HGF: variants seen among roughly 807,000 people sequenced by gnomAD.
HGF encodes hepatocyte growth factor, also known as fibroblast-derived tumor cytotoxic factor.
In HGF, 39 loss-of-function variants were observed where a neutral mutation model predicts 111.6. That is an observed-to-expected ratio of 0.35 (90% CI 0.27 to 0.46). The LOEUF (loss-of-function observed/expected upper bound fraction) is 0.46, where lower values mean the gene tolerates loss of function less well. Ranked by LOEUF, HGF falls within the 20% of genes least tolerant of loss-of-function variation. The probability of loss-of-function intolerance (pLI) is 1.00; values close to 1 mark genes in which losing one functional copy is unlikely to be tolerated. For synonymous variants in HGF, 285 were observed against 294.8 expected (o/e 0.97, Z 0.34); for missense variants, 735 against 910.5 (o/e 0.81, Z 2.48).
At chr7:81,755,825 A>G (rs1187858152) in intron 4 of HGF, 2 of 546,850 alleles carry the variant, frequency 3.7e-6, no homozygotes, top group Non-Finnish European at 6.5e-6. Context: ...ACTAATTTTG[A>G]AAATTGTTGT....
At chr7:81,765,689 A>G (rs1789324159) in intron 1 of HGF, among the ~76,000 whole-genome samples, 2 of 152,208 alleles carry the variant, frequency 1.3e-5, no homozygotes, top group South Asian at 4.1e-4. Flanking sequence ...AATTCCTTAT[A>G]CAATAAAAGA....
At chr7:81,719,487 G>A (rs905085780) in intron 10 of HGF, among the ~76,000 whole-genome samples, 4 of 152,176 alleles carry the variant, frequency 2.6e-5, no homozygotes, top group East Asian at 1.9e-4. Flanking sequence ...ATTGACAGGC[G>A]CTGTAAGTGT....
chr7:81,750,902 A>G, intron 5 of HGF: 1 of 846,854 alleles, frequency 1.2e-6, no homozygotes, highest in South Asian at 5.4e-5. Flanking sequence ...TCAAAACGTG[A>G]TCATAGAAAA....
At chr7:81,721,041 C>A (rs191189440) in intron 9 of HGF, among the ~76,000 whole-genome samples, 194 bp from the exon 10 acceptor site, 3 of 152,176 alleles carry the variant, frequency 2.0e-5, no homozygotes. Context: ...GTCAGGAGAT[C>A]GAGACCATCC....
intron 17 of HGF, among the ~76,000 whole-genome samples, chr7:81,703,990 G>A: frequency 6.6e-6 from 1 of 151,722 alleles, no homozygotes; most frequent in Admixed American, 6.6e-5. Context: ...TCACTCTGGA[G>A]ACTTTCACTA....
intron 5 of HGF, among the ~76,000 whole-genome samples, chr7:81,748,944 G>A (rs1214920156): frequency 6.6e-6 from 1 of 152,122 alleles, no homozygotes; most frequent in Non-Finnish European, 1.5e-5. Context: ...CAGACTAAAA[G>A]AGTTATTTTG....
chr7:81,722,080 A>G (rs571405572), intron 9 of HGF, among the ~76,000 whole-genome samples: 1 of 152,328 alleles, frequency 6.6e-6, no homozygotes, highest in South Asian at 2.1e-4. Flanking sequence ...CTGTAGAAAT[A>G]GTAAATTAAA....
At position 81,702,657 on chromosome 7, in the gene HGF, C is replaced by A. The variant is rs2115742182; in HGVS notation, c.2111G>T (p.Gly704Val). The A allele has an allele frequency of 1.2e-6, 2 of 1,611,386 alleles. No individual in the cohort carries two copies. Among genetic ancestry groups the A allele is most frequent in the African/African-American group, 2.7e-5 (2 of 74,794 alleles). ...GRGCAIPNRP[G>V]IFVRVAYYAK... is the part of the protein sequence containing the mutation. ...ATAATATGCTACTCGGACAAAAATA[C>A]CAGGACGATTTGGAATGGCACATCC... Residue 704 changes from glycine (G) to valine (V), a missense_variant, in exon 18 of 18, where the codon GGT becomes GTT. Around this residue, in one of 3 missense-constraint regions of HGF, gnomAD observed 52 missense variants for 95.0 expected, o/e 0.55. Transcript: ENST00000222390.
At position 81,752,227 on chromosome 7, in the gene HGF, T is replaced by C. The variant is rs1788539276; in HGVS notation, c.518A>G (p.Gln173Arg). ...TCGAGGATTTCGACAGTAGTTTTCC[T>C]GTAGGTCTTTACCCCGATAGCTCGA... is the stretch of plus-strand genomic sequence containing the variant. ...LPSSYRGKDL[Q>R]ENYCRNPRGE... The change falls in exon 5 of 18, where the codon CAG (glutamine) becomes CGG (arginine). Residue 173 changes from glutamine to arginine, a missense_variant. Gln to Arg is a conservative substitution (Grantham distance 43). Coordinates refer to ENST00000222390, the MANE Select transcript of HGF (RefSeq NM_000601.6). The C allele has an allele frequency of 6.2e-7, 1 of 1,613,592 alleles. No homozygotes were observed. The highest frequency in any genetic ancestry group is 2.2e-5 in the East Asian group (1 of 44,854).
Position 81,717,231 on chromosome 7 carries a change from C to G in HGF, c.1405+1G>C. On this transcript the variant is annotated splice_donor_variant, in intron 11 of 17. Coordinates refer to ENST00000222390, the MANE Select transcript of HGF (RefSeq NM_000601.6). LOFTEE classifies it high-confidence loss of function. ...AGACACCAATCCCTAACTGTACTTACAACGAGAAATAGGGCAATAATCCCA... is the reference window on the plus strand; with the variant it reads ...AGACACCAATCCCTAACTGTACTTAGAACGAGAAATAGGGCAATAATCCCA... 6.2e-7 allele frequency: 1 copy of G among 1,613,296 alleles called. No individual in the cohort carries two copies. The highest frequency in any genetic ancestry group is 8.5e-7 in the Non-Finnish European group (1 of 1,179,352).
chr7:81,755,310 T>C (rs1378597771), intron 4 of HGF: 1 of 152,150 alleles, frequency 6.6e-6, no homozygotes, highest in South Asian at 2.1e-4. Flanking sequence ...GTAAAATTAA[T>C]CTTTAGTCAA....
intron 7 of HGF, among the ~76,000 whole-genome samples, chr7:81,739,328 T>C (rs1404825111): frequency 6.6e-6 from 1 of 152,158 alleles, no homozygotes; most frequent in Non-Finnish European, 1.5e-5. Context: ...TAGTCTTTTA[T>C]TCTTCACCTC....
intron 1 of HGF, among the ~76,000 whole-genome samples, chr7:81,767,154 C>T (rs2116272212): frequency 6.6e-6 from 1 of 152,228 alleles, no homozygotes. Flanking sequence ...GTTTGATTCT[C>T]TATGCTGAAA....
intron 1 of HGF, among the ~76,000 whole-genome samples, chr7:81,764,995 C>T (rs888368343): frequency 6.6e-6 from 1 of 151,458 alleles, no homozygotes; most frequent in Admixed American, 6.6e-5. Context: ...AACTATTCAC[C>T]AAAATAGAAG....
chr7:81,760,511 A>C (rs1789012147), intron 2 of HGF, among the ~76,000 whole-genome samples: 1 of 152,168 alleles, frequency 6.6e-6, no homozygotes, highest in African/African-American at 2.4e-5. Flanking sequence ...TAAGTGGTTT[A>C]CGGTATTTTT....
chr7:81,722,571 G>C (rs1349873625), intron 9 of HGF, among the ~76,000 whole-genome samples: 1 of 151,546 alleles, frequency 6.6e-6, no homozygotes, highest in African/African-American at 2.4e-5. Context: ...TCAGCACTTT[G>C]GGAGGATGAG....
chr7:81,769,851 A>T (rs1328981762), intron 1 of HGF, 33 bp downstream of exon 1: 8 of 1,457,306 alleles, frequency 5.5e-6, no homozygotes, highest in African/African-American at 1.4e-5. Context: ...TTAAATACTA[A>T]TACTAATAAT....
In HGF at chr7:81,727,166, G is replaced by A. The variant is rs929604730; in HGVS notation, c.1041-1149C>T. On this transcript the variant is annotated intron_variant, in intron 8 of 17. Coordinates refer to ENST00000222390, the MANE Select transcript of HGF (RefSeq NM_000601.6). ...CGCCATTCTCCTGCCTCAGCCTCCC[G>A]AGTAGCTGGGATTACAGGTGCCTGC... 9.3e-5 allele frequency among the ~76,000 whole-genome samples: 14 copies of A among 149,852 alleles called. No individual in the cohort carries two copies. In the Admixed American group the frequency reaches 9.4e-4, roughly 10 times the overall value.
intron 13 of HGF, among the ~76,000 whole-genome samples, chr7:81,708,524 CTTTTT>C (rs3081099): frequency 1.4e-5 from 1 of 72,488 alleles, no homozygotes; most frequent in Non-Finnish European, 2.4e-5. Context: ...TTCCTTCCTT[CTTTTT>C]TTTTTTTTTT....
Sources: allele counts gnomAD v4.1 joint callset (sites outside exome capture counted in the v4.1 genomes callset), GRCh38; gene constraint gnomAD v4.1.1; regional missense constraint gnomAD v4.1.1; transcripts MANE v1.5; gene names NCBI Gene and HGNC (gene_info 2026-07-23, HGNC 2026-07-21).